TMED5: variants seen among roughly 807,000 people sequenced by gnomAD.
TMED5 encodes the protein transmembrane p24 trafficking protein 5.
Under a neutral mutation model 23.0 loss-of-function variants are expected in TMED5, and 27 were observed. That is an observed-to-expected ratio of 1.17 (90% CI 0.86 to 1.62). TMED5 has a LOEUF of 1.62. TMED5 is among the 40% of genes most tolerant of loss of function. The pLI is 0.00. For synonymous variants in TMED5, 97 were observed against 100.8 expected, an observed-to-expected ratio of 0.96 and a Z score of 0.23; for missense variants, 248 against 273.7, an observed-to-expected ratio of 0.91 and a Z score of 0.66.
chr1:93,172,698 T>C (rs1648769677), intron 1 of TMED5, among the ~76,000 whole-genome samples: 1 of 152,068 alleles, frequency 6.6e-6, no homozygotes, highest in African/African-American at 2.4e-5. Context: ...AATATGGTGG[T>C]TCCTCAAAAA....
Position 93,154,732 on chromosome 1 carries a change from ACAC to A in TMED5, c.625_627del (p.Val209del), listed in dbSNP as rs1647996086. 1 of 1,614,022 alleles carries A rather than the reference ACAC, an allele frequency of 6.2e-7. No individual in the cohort carries two copies. Among genetic ancestry groups the A allele is most frequent in the Non-Finnish European group, 8.5e-7 (1 of 1,180,000 alleles). Reference sequence around the variant, plus strand: ...TTCAGCATATAAACTTGAATGGCTGACACCACCACCATGACCACTAAATTAACC... The same window carrying A: ...TTCAGCATATAAACTTGAATGGCTGACACCACCATGACCACTAAATTAACC... On this transcript the variant is annotated inframe_deletion, in exon 4 of 4. Transcript: ENST00000370282.
At chr1:93,177,331 C>T (rs1300030459) in intron 1 of TMED5, among the ~76,000 whole-genome samples, 1 of 152,036 alleles carries the variant, frequency 6.6e-6, no homozygotes, top group African/African-American at 2.4e-5. Flanking sequence ...ATAATCCCAG[C>T]ACTTTGGAGG....
intron 1 of TMED5, among the ~76,000 whole-genome samples, chr1:93,170,919 C>G (rs1396666929): frequency 6.6e-6 from 1 of 152,172 alleles, no homozygotes; most frequent in East Asian, 1.9e-4. Context: ...GACCAATCAG[C>G]TCTCTGTAAA....
chr1:93,175,555 T>G (rs1026460922), intron 1 of TMED5, among the ~76,000 whole-genome samples: 17 of 151,676 alleles, frequency 1.1e-4, no homozygotes, highest in African/African-American at 4.1e-4. Flanking sequence ...ACTTTATACA[T>G]GTAATATTAG....
Position 93,150,423 on chromosome 1 carries a change from A to G in TMED5, c.*4247T>C, listed in dbSNP as rs183306008. On this transcript the variant is annotated 3_prime_UTR_variant, in exon 4 of 4. Coordinates refer to ENST00000370282, the MANE Select transcript of TMED5 (RefSeq NM_016040.5). ...CTATTATAAATGAAGGTGCTATGTA[A>G]CATTTGTGAATGTTAAGTTTTAACT... 349 of 152,328 alleles carry G rather than the reference A, an allele frequency of 2.3e-3. No individual in the cohort carries two copies. The highest frequency in any genetic ancestry group is 8.1e-3 in the African/African-American group (337 of 41,544). The allele number at this position is 152,328 out of a possible 1,614,324, so 9.4% of individuals were successfully genotyped here.
chr1:93,158,836 G>C (rs1648168410), intron 2 of TMED5: 2 of 769,256 alleles, frequency 2.6e-6, no homozygotes, highest in Admixed American at 6.3e-5. Context: ...AAAGTGCTGG[G>C]ATTATAGGCG....
intron 1 of TMED5, among the ~76,000 whole-genome samples, chr1:93,167,263 T>C (rs762610051): frequency 2.0e-5 from 3 of 152,220 alleles, no homozygotes; most frequent in East Asian, 1.9e-4. Context: ...TGTGGTTCCA[T>C]ATACATTTTT....
intron 1 of TMED5, chr1:93,160,482 T>TA (rs1268583503): frequency 1.0e-5 from 3 of 290,938 alleles, no homozygotes; most frequent in Non-Finnish European, 6.5e-6. Context: ...TAAATCTTCC[T>TA]AAAATAGTGG....
At chr1:93,173,113 CAGAA>C (rs138444273) in intron 1 of TMED5, among the ~76,000 whole-genome samples, 11,379 of 152,084 alleles carry the variant, frequency 0.075, 538 homozygotes, top group Non-Finnish European at 0.12. Flanking sequence ...TTCTGATAGA[CAGAA>C]GGAATAGGTT....
chr1:93,167,304 C>T (rs765952986), intron 1 of TMED5, among the ~76,000 whole-genome samples: 2 of 152,046 alleles, frequency 1.3e-5, no homozygotes, highest in Non-Finnish European at 2.9e-5. Flanking sequence ...GGGAAGAATG[C>T]CAAAGGTATT....
rs887219361 is a variant in TMED5 at position 93,152,183 on chromosome 1, A to G, written c.*2487T>C. ...AGCATAACATTAATCATCCAAATGC[A>G]TATCAGAGCAAACTCTAGGCCTTAG... is the stretch of plus-strand genomic sequence containing the variant. On this transcript the variant is annotated 3_prime_UTR_variant, in exon 4 of 4. Coordinates refer to ENST00000370282, the MANE Select transcript of TMED5 (RefSeq NM_016040.5). 1 of 152,610 alleles carries G rather than the reference A, an allele frequency of 6.6e-6. No individual in the cohort carries two copies. The highest frequency in any genetic ancestry group is 2.4e-5 in the African/African-American group (1 of 41,456). The allele number at this position is 152,610 out of a possible 1,614,324, so 9.5% of individuals were successfully genotyped here.
chr1:93,175,326 C>CAAACACACACACACACACAT (rs2101168497), intron 1 of TMED5, among the ~76,000 whole-genome samples: 2 of 145,370 alleles, frequency 1.4e-5, no homozygotes, highest in East Asian at 3.9e-4. Context: ...TACACACACA[C>CAAACACACACACACACACAT]ACACACACAC....
chr1:93,175,200 T>TAA (rs1553160155), intron 1 of TMED5, among the ~76,000 whole-genome samples: 3 of 124,010 alleles, frequency 2.4e-5, no homozygotes, highest in African/African-American at 8.6e-5. Context: ...TATATATATA[T>TAA]AAATGGACCT....
chr1:93,166,640 T>A (rs1310978128), intron 1 of TMED5, among the ~76,000 whole-genome samples: 1 of 152,136 alleles, frequency 6.6e-6, no homozygotes, highest in Non-Finnish European at 1.5e-5. Context: ...GTTGTTCGAG[T>A]TCCTTATATA....
chr1:93,170,351 C>T (rs1010933209), intron 1 of TMED5, among the ~76,000 whole-genome samples: 6 of 152,336 alleles, frequency 3.9e-5, no homozygotes, highest in Admixed American at 2.6e-4. Flanking sequence ...TCCGCGGCCC[C>T]GCACTGGGAG....
intron 1 of TMED5, among the ~76,000 whole-genome samples, chr1:93,166,253 T>C (rs1415249778): frequency 6.6e-6 from 1 of 152,258 alleles, no homozygotes; most frequent in Non-Finnish European, 1.5e-5. Context: ...TTTGACATAC[T>C]GATTTTCTTT....
At chr1:93,158,625 C>T (rs1360905618) in intron 2 of TMED5, among the ~76,000 whole-genome samples, 3 of 146,584 alleles carry the variant, frequency 2.0e-5, no homozygotes, top group Non-Finnish European at 3.0e-5. Flanking sequence ...GGCTGGAGTA[C>T]AGCGGCGCCA....
rs1647826355 is a variant in TMED5, at chr1:93,150,316, T to C, written c.*4354A>G. ...TGTATCAGTAGTTTGTTCCTTCATA[T>C]TACTATTTAGTATTCCATGGTGTGG... On this transcript the variant is annotated 3_prime_UTR_variant, in exon 4 of 4. Coordinates refer to ENST00000370282, the MANE Select transcript of TMED5 (RefSeq NM_016040.5). The C allele has an allele frequency of 6.6e-6, 1 of 152,256 alleles. No individual in the cohort carries two copies. Among genetic ancestry groups the C allele is most frequent in the Admixed American group, 6.5e-5 (1 of 15,290 alleles). 9.4% of individuals were successfully genotyped at this position (152,256 alleles called of 1,614,324 possible).
intron 2 of TMED5, chr1:93,158,995 T>C (rs1648173688): frequency 3.6e-6 from 1 of 274,376 alleles, no homozygotes; most frequent in African/African-American, 2.3e-5. Context: ...TTCTGAGCTC[T>C]GCATAGGTAA....
Sources: gnomAD v4.1 joint callset for allele counts (sites outside exome capture counted in the v4.1 genomes callset) on GRCh38, gnomAD v4.1.1 for gene constraint, MANE v1.5 for transcripts, NCBI Gene and HGNC (gene_info 2026-07-23, HGNC 2026-07-21) for gene names.